Variants in SLC7A9 observed in about 807,000 individuals in gnomAD.
SLC7A9 encodes the protein solute carrier family 7 member 9, also known as B(0,+)-type amino acid transporter 1.
In SLC7A9, 38 loss-of-function variants were observed where a neutral mutation model predicts 54.1. That is an observed-to-expected ratio of 0.70 (90% confidence interval 0.54 to 0.92). The LOEUF (loss-of-function observed/expected upper bound fraction) is 0.92. Among genes scored for constraint, SLC7A9 ranks in the 40% least tolerant of loss-of-function variants. The probability of loss-of-function intolerance (pLI) is 0.00; values close to 1 mark genes in which losing one functional copy is unlikely to be tolerated. For missense variants in SLC7A9, 537 were observed against 636.1 expected, an observed-to-expected ratio of 0.84 and a Z score of 1.68; for synonymous variants, 264 against 258.9, an observed-to-expected ratio of 1.02 and a Z score of -0.19.
chr19:32,860,551 G>A (rs1016193217), intron 7 of SLC7A9, 55 bp downstream of exon 7: 20 of 1,613,598 alleles, frequency 1.2e-5, no homozygotes, highest in African/African-American at 2.7e-5. Flanking sequence ...CCTTCACCAG[G>A]AGAAGAGAAA....
chr19:32,842,246 T>C lies in SLC7A9; in HGVS notation c.1146A>G (p.Ala382=). ...NSLVNYFSFA[A]WLFYGLTILG... Reference sequence around the variant, plus strand: ...GAATCGTCAGGCCATAAAACAGCCATGCGGCAAAGCTGAAATAATTGACTA... The same window carrying C: ...GAATCGTCAGGCCATAAAACAGCCACGCGGCAAAGCTGAAATAATTGACTA... The change falls in exon 11 of 13, where the codon GCA becomes GCG. Residue 382 remains alanine, a synonymous_variant. Coordinates refer to ENST00000023064, the MANE Select transcript of SLC7A9 (RefSeq NM_014270.5). 6.2e-7 allele frequency: 1 copy of C among 1,614,104 alleles called. No homozygotes were observed. The highest frequency in any genetic ancestry group is 8.5e-7 in the Non-Finnish European group (1 of 1,179,976).
rs1217197928 is a variant in SLC7A9 at position 32,864,750 on chromosome 19, G to A, written c.114C>T (p.Ile38=). 1.2e-6 allele frequency: 2 copies of A among 1,614,106 alleles called. No homozygotes were observed. Among genetic ancestry groups the A allele is most frequent in the African/African-American group, 1.3e-5 (1 of 74,958 alleles). ...KELGLISGIS[I]IVGTIIGSGI... ...CAGAGCCAATGATGGTGCCCACGAT[G>A]ATGGAGATGCCACTGATGAGGCCCA... The change falls in exon 3 of 13, where the codon ATC becomes ATT. Residue 38 remains isoleucine, a synonymous_variant. Coordinates refer to ENST00000023064, the MANE Select transcript of SLC7A9 (RefSeq NM_014270.5).
Position 32,868,596 on chromosome 19 carries a change from A to G in SLC7A9, c.-62T>C, listed in dbSNP as rs1969048899. On this transcript the variant is annotated 5_prime_UTR_variant, in exon 2 of 13. Transcript: ENST00000023064. ...GCGCACAGCTAAATCTTGGTTCAGC[A>G]GCAGCAGACAAGACGCAAGTGCAAG... 1.4e-6 allele frequency: 2 copies of G among 1,418,156 alleles called. No individual in the cohort carries two copies. The highest frequency in any genetic ancestry group is 3.4e-5 in the Admixed American group (2 of 59,688). The allele number at this position is 1,418,156 out of a possible 1,614,324, so 87.8% of individuals were successfully genotyped here. A position where few individuals can be genotyped will look rare whatever the true frequency, so the allele number is the denominator to read the frequency against.
Position 32,858,349 on chromosome 19 carries a change from C to T in SLC7A9, c.977+91G>A. The T allele has an allele frequency of 5.4e-6, 5 of 923,104 alleles. No individual in the cohort carries two copies. In the Admixed American group the frequency reaches 9.6e-5, roughly 18 times the overall value. The allele number at this position is 923,104 out of a possible 1,614,324, so 57.2% of individuals were successfully genotyped here. ...CTGGCGTGGGTTTCGCCTGGCAGAA[C>T]CCTGAGGATTTTAGCTGTGTGTCTT... On this transcript the variant is annotated intron_variant, in intron 9 of 12. Coordinates refer to ENST00000023064, the MANE Select transcript of SLC7A9 (RefSeq NM_014270.5).
Position 32,841,121 on chromosome 19 carries a change from G to T in SLC7A9, c.1224+1047C>A, listed in dbSNP as rs553353269. ...TGTCCATAGTCAAGACACAGGGCCA[G>T]AAAGACCACTGGATGTATCTCTGAA... On this transcript the variant is annotated intron_variant, in intron 11 of 12. Transcript: ENST00000023064. Among the ~76,000 whole-genome samples, 4 of 152,300 alleles carry T rather than the reference G, an allele frequency of 2.6e-5. No individual in the cohort carries two copies. The East Asian group carries it at 7.7e-4, about 29-fold the overall frequency.
At chr19:32,850,523 T>A (rs1366264557) in intron 9 of SLC7A9, among the ~76,000 whole-genome samples, 4 of 151,452 alleles carry the variant, frequency 2.6e-5, no homozygotes, top group Non-Finnish European at 4.4e-5. Context: ...TCAATGAAAT[T>A]AAAGAGGATA....
intron 9 of SLC7A9, among the ~76,000 whole-genome samples, chr19:32,851,782 CA>C (rs1453091096): frequency 3.3e-5 from 5 of 152,130 alleles, no homozygotes; most frequent in African/African-American, 1.2e-4. Flanking sequence ...AAATGTCCAA[CA>C]ACAATAGACT....
Position 32,847,466 on chromosome 19 carries a change from C to T in SLC7A9, c.978-3515G>A, listed in dbSNP as rs571319333. Among the ~76,000 whole-genome samples, 1,423 of 143,214 alleles carry T rather than the reference C, an allele frequency of 9.9e-3. 29 individuals are homozygous for T. Among genetic ancestry groups the T allele is most frequent in the African/African-American group, 0.033 (1,356 of 40,814 alleles). 94.0% of individuals were successfully genotyped at this position (143,214 alleles called of 152,430 possible). A position where few individuals can be genotyped will look rare whatever the true frequency, so the allele number is the denominator to read the frequency against. The stretch of plus-strand genomic sequence containing the variant: ...GGAAGATGAAATGAATGAAATGAAG[C>T]GAGAAGGGAAGTTTAGAGAAAAAAG... On this transcript the variant is annotated intron_variant, in intron 9 of 12. Transcript: ENST00000023064.
chr19:32,868,307 T>A, intron 2 of SLC7A9, 141 bp downstream of exon 2: 1 of 697,212 alleles, frequency 1.4e-6, no homozygotes, highest in Admixed American at 2.0e-5. Context: ...AGATTATCCC[T>A]TTAAAGATGT....
chr19:32,865,076 G>A (rs1294851399), intron 2 of SLC7A9, among the ~76,000 whole-genome samples: 2 of 152,230 alleles, frequency 1.3e-5, no homozygotes, highest in African/African-American at 2.4e-5. Flanking sequence ...TACAGCTAGA[G>A]AGGGGGAAAC....
Position 32,843,860 on chromosome 19 carries a change from A to G in SLC7A9, c.1069T>C (p.Phe357Leu), listed in dbSNP as rs1968199353. 1 of 1,612,540 alleles carries G rather than the reference A, an allele frequency of 6.2e-7. No individual in the cohort carries two copies. Among genetic ancestry groups the G allele is most frequent in the African/African-American group, 1.3e-5 (1 of 74,888 alleles). The change falls in exon 10 of 13, where the codon TTT (phenylalanine) becomes CTT (leucine). Residue 357 changes from phenylalanine (F) to leucine (L), a missense_variant. Transcript: ENST00000023064. The part of the protein sequence containing the change: ...RRLTPAPAII[F>L]YGIIATIYII... The stretch of plus-strand genomic sequence containing the variant: ...GTAGCGGGATTTGTACTCACATAAA[A>G]GATGATGGCGGGGGCTGGAGTGAGG...
Position 32,843,909 on chromosome 19 carries a change from C to T in SLC7A9, c.1020G>A (p.Val340=). 1.2e-6 allele frequency: 2 copies of T among 1,613,898 alleles called. No homozygotes were observed. Among genetic ancestry groups the T allele is most frequent in the Non-Finnish European group, 1.7e-6 (2 of 1,179,986 alleles). Residue 340 remains valine, a synonymous_variant, in exon 10 of 13, where the codon GTG becomes GTA. Transcript: ENST00000023064. ...VAGREGHMLK[V]LSYISVRRLT... ...GGCGCCTGACGCTGATGTAAGAAAG[C>T]ACTTTGAGCATGTGACCCTCCCGGC...
At chr19:32,851,901 C>T (rs1335980075) in intron 9 of SLC7A9, among the ~76,000 whole-genome samples, 2 of 152,150 alleles carry the variant, frequency 1.3e-5, no homozygotes, top group African/African-American at 4.8e-5. Flanking sequence ...AACCATCATT[C>T]TCAGCAAACT....
intron 10 of SLC7A9, 100 bp from the exon 11 acceptor site, chr19:32,842,417 T>C (rs1215441818): frequency 3.3e-6 from 4 of 1,211,688 alleles, no homozygotes; most frequent in South Asian, 2.5e-5. Flanking sequence ...ATAAACACTT[T>C]AGCATGAAAC....
At chr19:32,830,722 C>G in intron 12 of SLC7A9, 38 bp from the exon 13 acceptor site, 1 of 1,555,586 alleles carries the variant, frequency 6.4e-7, no homozygotes, top group Non-Finnish European at 8.9e-7. Context: ...GTTAGTTAGA[C>G]TGAAATTCGA....
chr19:32,860,286 G>A, intron 7 of SLC7A9: 2 of 1,395,198 alleles, frequency 1.4e-6, no homozygotes, highest in Admixed American at 2.9e-5. Context: ...GCCGGGTGCA[G>A]TGGCTCACAC....
chr19:32,842,344 G>T (rs764084548), intron 10 of SLC7A9, 27 bp from the exon 11 acceptor site: 3 of 1,604,566 alleles, frequency 1.9e-6, no homozygotes, highest in Non-Finnish European at 2.6e-6. Flanking sequence ...TGGATTTGTA[G>T]GTCATTACTA....
rs910101339 is a variant in SLC7A9, at chr19:32,830,647, C to T, written c.1437G>A (p.Val479=). 1.9e-6 allele frequency: 3 copies of T among 1,613,906 alleles called. No homozygotes were observed. Among genetic ancestry groups the T allele is most frequent in the African/African-American group, 1.3e-5 (1 of 74,922 alleles). ...ACTCAGGGTCTTCCTCCGGTGGGAC[C>T]ACTTCCATTAGCATCTGAAGGTGCA... ...ITMHLQMLME[V]VPPEEDPE Residue 479 remains valine (V), a synonymous_variant, in exon 13 of 13, where the codon GTG becomes GTA. Transcript: ENST00000023064.
At chr19:32,848,071 A>T (rs1478768799) in intron 9 of SLC7A9, among the ~76,000 whole-genome samples, 3 of 151,952 alleles carry the variant, frequency 2.0e-5, no homozygotes, top group Non-Finnish European at 4.4e-5. Flanking sequence ...GGTACCAGCC[A>T]CTGCAAAAAC....
Sources: gnomAD v4.1 joint callset for allele counts (sites outside exome capture counted in the v4.1 genomes callset) on GRCh38, gnomAD v4.1.1 for gene constraint, MANE v1.5 for transcripts, NCBI Gene and HGNC (gene_info 2026-07-23, HGNC 2026-07-21) for gene names.